Variants in PBX2 observed in about 807,000 individuals in gnomAD.
PBX2 encodes PBX homeobox 2, also known as pre-B-cell leukemia transcription factor 2.
Under a neutral mutation model 46.5 loss-of-function variants are expected in PBX2, and 10 were observed. The observed-to-expected ratio is 0.21, with a 90% confidence interval of 0.13 to 0.36. The LOEUF is 0.36. PBX2 is among the 10% of genes least tolerant of loss of function. PBX2 has a pLI of 1.00. For missense variants in PBX2, 392 were observed against 580.5 expected (o/e 0.68, Z 3.34); for synonymous variants, 160 against 222.5 (o/e 0.72, Z 2.50).
Position 32,186,677 on chromosome 6 carries a change from C to T in PBX2, c.1127G>A (p.Arg376Gln), listed in dbSNP as rs752997915. 2.7e-5 allele frequency: 44 copies of T among 1,612,840 alleles called. No homozygotes were observed. The highest frequency in any genetic ancestry group is 1.9e-4 in the South Asian group (17 of 91,062). The change falls in exon 8 of 9, where the codon CGA (arginine) becomes CAA (glutamine). Residue 376 changes from arginine to glutamine, a missense_variant. By Grantham distance (43) the Arg-to-Gln change is conservative. Around this residue, in one of 3 missense-constraint regions of PBX2, gnomAD observed 116 missense variants for 157.9 expected, o/e 0.73. Transcript: ENST00000375050. This position sits in a 1 kb window ranked among gnomAD's most constrained non-coding sequence, Gnocchi z 4.2. ...SYSASQVESL[R>Q]HSMGPGGYGD... ...ATAGCCCCCTGGCCCCATCGAGTGT[C>T]GGAGTGATTCCACCTGCAGGCAGCA...
At position 32,185,098 on chromosome 6, in the gene PBX2, G is replaced by C. The variant is rs955402607; in HGVS notation, c.*1284C>G. 1 of 152,568 alleles carries C rather than the reference G, an allele frequency of 6.6e-6. No homozygotes were observed. The highest frequency in any genetic ancestry group is 2.4e-5 in the African/African-American group (1 of 41,400). The allele number at this position is 152,568 out of a possible 1,614,324, so 9.5% of individuals were successfully genotyped here. On this transcript the variant is annotated 3_prime_UTR_variant, in exon 9 of 9. Transcript: ENST00000375050. The stretch of plus-strand genomic sequence containing the variant: ...CCTCATTTATGGGGAAATTGAGGAA[G>C]ATACATATACAAGCACCCCAACCCA...
chr6:32,189,682 T>TG lies in PBX2; in HGVS notation c.221+12dup, dbSNP rs1234712247. The TG allele has an allele frequency of 6.3e-7, 1 of 1,594,018 alleles. No homozygotes were observed. The highest frequency in any genetic ancestry group is 2.3e-5 in the East Asian group (1 of 43,498). ...GCTGGGTCTGTGTGGGGTCCCGGAGTGGGGGCACTCACTTGGCCTGGGCCT... is the reference window on the plus strand; with the variant it reads ...GCTGGGTCTGTGTGGGGTCCCGGAGTGGGGGGCACTCACTTGGCCTGGGCCT... On this transcript the variant is annotated intron_variant, in intron 1 of 8. Coordinates refer to ENST00000375050, the MANE Select transcript of PBX2 (RefSeq NM_002586.5). This position sits in a 1 kb window ranked among gnomAD's most constrained non-coding sequence, Gnocchi z 4.7.
chr6:32,188,541 C>T lies in PBX2; in HGVS notation c.296-37G>A. 6.2e-7 allele frequency: 1 copy of T among 1,604,754 alleles called. No individual in the cohort carries two copies. On this transcript the variant is annotated intron_variant, in intron 2 of 8. Coordinates refer to ENST00000375050, the MANE Select transcript of PBX2 (RefSeq NM_002586.5). This position sits in a 1 kb window ranked among gnomAD's most constrained non-coding sequence, Gnocchi z 6.5. ...GCGAGTGGACTTAGGGACCCAGAGACCCCAATACCCAGTGCTCAGTCCTCC... is the reference window on the plus strand; with the variant it reads ...GCGAGTGGACTTAGGGACCCAGAGATCCCAATACCCAGTGCTCAGTCCTCC...
At position 32,189,932 on chromosome 6, in the gene PBX2, T is replaced by A; in HGVS notation, c.-17A>T. ...TTCGTCCATAGCTGGGGGGGGGCCC[T>A]GAGGCCCCCTCCCTGCTCCGCCCCT... On this transcript the variant is annotated 5_prime_UTR_variant, in exon 1 of 9. Transcript: ENST00000375050. This position sits in a 1 kb window ranked among gnomAD's most constrained non-coding sequence, Gnocchi z 4.7. 12 of 1,056,208 alleles carry A rather than the reference T, an allele frequency of 1.1e-5. No homozygotes were observed. Among genetic ancestry groups the A allele is most frequent in the South Asian group, 1.8e-5 (1 of 55,274 alleles). The allele number at this position is 1,056,208 out of a possible 1,614,324, so 65.4% of individuals were successfully genotyped here.
chr6:32,186,541 C>A lies in PBX2; in HGVS notation c.1200+63G>T, dbSNP rs747198791. ...GGAACCCTGTGTGGGCACAACATTACTAGGGAAAATGCCCCTCTGTCCTGT... is the reference window on the plus strand; with the variant it reads ...GGAACCCTGTGTGGGCACAACATTAATAGGGAAAATGCCCCTCTGTCCTGT... On this transcript the variant is annotated intron_variant, in intron 8 of 8. Transcript: ENST00000375050. This position sits in a 1 kb window ranked among gnomAD's most constrained non-coding sequence, Gnocchi z 4.2. The A allele has an allele frequency of 6.4e-6, 10 of 1,570,258 alleles. No individual in the cohort carries two copies. The highest frequency in any genetic ancestry group is 8.8e-6 in the Non-Finnish European group (10 of 1,140,158).
chr6:32,188,383 T>G lies in PBX2; in HGVS notation c.417A>C (p.Ala139=). The G allele has an allele frequency of 5.6e-6, 9 of 1,613,224 alleles. No individual in the cohort carries two copies. Among genetic ancestry groups the G allele is most frequent in the Non-Finnish European group, 7.6e-6 (9 of 1,179,378 alleles). ...CACCAGAGGCTGCAGCGGCTGCAGC[T>G]GCTGCTGCTGAGCCGCCCCCTTTCT... The part of the protein sequence containing the change: ...GPEKGGGSAA[A]AAAAAASGGG... The change falls in exon 3 of 9, where the codon GCA becomes GCC. Residue 139 remains alanine (A), a synonymous_variant. Coordinates refer to ENST00000375050, the MANE Select transcript of PBX2 (RefSeq NM_002586.5). The surrounding 1 kb of genome is among the most constrained non-coding windows in gnomAD (Gnocchi z 6.5).
In PBX2 at chr6:32,187,094, C is replaced by T; in HGVS notation, c.1024+148G>A. The stretch of plus-strand genomic sequence containing the variant: ...GCAGAACTAAGATCACTGGAATGGC[C>T]TCTGTCCCCTGACATCTCCAGCCTA... On this transcript the variant is annotated intron_variant, in intron 6 of 8. Coordinates refer to ENST00000375050, the MANE Select transcript of PBX2 (RefSeq NM_002586.5). This position sits in a 1 kb window ranked among gnomAD's most constrained non-coding sequence, Gnocchi z 7.7. The T allele has an allele frequency of 1.8e-6, 2 of 1,120,040 alleles. No homozygotes were observed. Among genetic ancestry groups the T allele is most frequent in the South Asian group, 1.5e-5 (1 of 67,094 alleles). 69.4% of individuals were successfully genotyped at this position (1,120,040 alleles called of 1,614,324 possible). A position where few individuals can be genotyped will look rare whatever the true frequency, so the allele number is the denominator to read the frequency against.
chr6:32,185,682 T>A lies in PBX2; in HGVS notation c.*700A>T, dbSNP rs1387678441. The A allele has an allele frequency of 7.5e-6, 1 of 133,114 alleles. No individual in the cohort carries two copies. The highest frequency in any genetic ancestry group is 1.6e-5 in the Non-Finnish European group (1 of 64,184). The allele number at this position is 133,114 out of a possible 1,614,324, so 8.2% of individuals were successfully genotyped here. The stretch of plus-strand genomic sequence containing the variant: ...CAAAAAAAACAGATGGATCCCAGGG[T>A]TTCTTTTTCTTTCTTTAAAAAAAAA... On this transcript the variant is annotated 3_prime_UTR_variant, in exon 9 of 9. Coordinates refer to ENST00000375050, the MANE Select transcript of PBX2 (RefSeq NM_002586.5).
chr6:32,189,592 A>G lies in PBX2; in HGVS notation c.221+103T>C, dbSNP rs1415351226. 1.2e-6 allele frequency: 1 copy of G among 809,674 alleles called. No individual in the cohort carries two copies. Among genetic ancestry groups the G allele is most frequent in the Non-Finnish European group, 2.0e-6 (1 of 496,102 alleles). The allele number at this position is 809,674 out of a possible 1,614,324, so 50.2% of individuals were successfully genotyped here. A position where few individuals can be genotyped will look rare whatever the true frequency, so the allele number is the denominator to read the frequency against. On this transcript the variant is annotated intron_variant, in intron 1 of 8. Coordinates refer to ENST00000375050, the MANE Select transcript of PBX2 (RefSeq NM_002586.5). The surrounding 1 kb of genome is among the most constrained non-coding windows in gnomAD (Gnocchi z 4.7). ...AATAAGGAGAGAAGAGAGCTGTTGG[A>G]TCCTGGAGAGGGCCCTGGAGTTGGG...
Position 32,187,050 on chromosome 6 carries a change from GC to G in PBX2, c.1025-150del. The G allele has an allele frequency of 9.8e-7, 1 of 1,025,292 alleles. No homozygotes were observed. The highest frequency in any genetic ancestry group is 1.4e-6 in the Non-Finnish European group (1 of 694,734). The allele number at this position is 1,025,292 out of a possible 1,614,324, so 63.5% of individuals were successfully genotyped here. A position where few individuals can be genotyped will look rare whatever the true frequency, so the allele number is the denominator to read the frequency against. On this transcript the variant is annotated intron_variant, in intron 6 of 8. Coordinates refer to ENST00000375050, the MANE Select transcript of PBX2 (RefSeq NM_002586.5). This position sits in a 1 kb window ranked among gnomAD's most constrained non-coding sequence, Gnocchi z 7.7. ...CACAGAAAGAGCAGGCTGTTCCTTG[GC>G]CACCCGTGGGAAGAAAGGCAGAACT...
In PBX2 at chr6:32,187,651, G is replaced by A. The variant is rs1419101248; in HGVS notation, c.866C>T (p.Ser289Phe). 2 of 1,592,866 alleles carry A rather than the reference G, an allele frequency of 1.3e-6. No individual in the cohort carries two copies. Among genetic ancestry groups the A allele is most frequent in the South Asian group, 1.1e-5 (1 of 88,514 alleles). ...CTCCCGCAACCTCCATAATACCTGAGACACGGTGATGCCACACTTCTTGGC... is the reference window on the plus strand; with the variant it reads ...CTCCCGCAACCTCCATAATACCTGAAACACGGTGATGCCACACTTCTTGGC... ...ELAKKCGITV[S>F]QVSNWFGNKR... Residue 289 changes from serine (S) to phenylalanine (F), a missense_variant, in exon 5 of 9, where the codon TCT becomes TTT. Physicochemically the swap from Ser to Phe is radical, Grantham distance 155. This residue lies in a region of PBX2 where 80 missense variants were observed against 175.7 expected (regional missense o/e 0.46). Coordinates refer to ENST00000375050, the MANE Select transcript of PBX2 (RefSeq NM_002586.5). This position sits in a 1 kb window ranked among gnomAD's most constrained non-coding sequence, Gnocchi z 7.7.
At position 32,187,151 on chromosome 6, in the gene PBX2, C is replaced by G; in HGVS notation, c.1024+91G>C. ...CTCGGTCCCTCTCACCCCAAAAGGC[C>G]CCCTCTCTGCTATGATCCTGCCTAG... On this transcript the variant is annotated intron_variant, in intron 6 of 8. Transcript: ENST00000375050. This position sits in a 1 kb window ranked among gnomAD's most constrained non-coding sequence, Gnocchi z 7.7. 1 of 1,514,408 alleles carries G rather than the reference C, an allele frequency of 6.6e-7. No homozygotes were observed. The highest frequency in any genetic ancestry group is 9.1e-7 in the Non-Finnish European group (1 of 1,104,280). The allele number at this position is 1,514,408 out of a possible 1,614,324, so 93.8% of individuals were successfully genotyped here. A position where few individuals can be genotyped will look rare whatever the true frequency, so the allele number is the denominator to read the frequency against.
At position 32,188,063 on chromosome 6, in the gene PBX2, T is replaced by A; in HGVS notation, c.637A>T (p.Ser213Cys). Residue 213 changes from serine (S) to cysteine (C), a missense_variant, in exon 4 of 9, where the codon AGC (serine) becomes TGC (cysteine). By Grantham distance (112) the Ser-to-Cys change is moderately radical. Coordinates refer to ENST00000375050, the MANE Select transcript of PBX2 (RefSeq NM_002586.5). This position sits in a 1 kb window ranked among gnomAD's most constrained non-coding sequence, Gnocchi z 6.5. ...VAPKEMERMV[S>C]IIHRKFSAIQ... The stretch of plus-strand genomic sequence containing the variant: ...GCGCTGAACTTTCGATGGATGATGC[T>A]CACCATGCGTTCCATCTCTTTGGGG... The A allele has an allele frequency of 6.3e-7, 1 of 1,597,300 alleles. No homozygotes were observed. The highest frequency in any genetic ancestry group is 8.5e-7 in the Non-Finnish European group (1 of 1,170,872).
At position 32,186,998 on chromosome 6, in the gene PBX2, A is replaced by C. The variant is rs767099709; in HGVS notation, c.1025-97T>G. The C allele has an allele frequency of 2.7e-4, 318 of 1,159,936 alleles. 1 individual carries two copies. The highest frequency in any genetic ancestry group is 2.3e-3 in the Middle Eastern group (8 of 3,528). The allele number at this position is 1,159,936 out of a possible 1,614,324, so 71.9% of individuals were successfully genotyped here. On this transcript the variant is annotated intron_variant, in intron 6 of 8. Transcript: ENST00000375050. This position sits in a 1 kb window ranked among gnomAD's most constrained non-coding sequence, Gnocchi z 4.2. The stretch of plus-strand genomic sequence containing the variant: ...TTGTGGGGACATGCTACTATACTCC[A>C]ATTATCCACAAAATAACATTCCAAC...
In PBX2 at chr6:32,187,944, A is replaced by C; in HGVS notation, c.734+22T>G. On this transcript the variant is annotated intron_variant, in intron 4 of 8. Transcript: ENST00000375050. This position sits in a 1 kb window ranked among gnomAD's most constrained non-coding sequence, Gnocchi z 7.7. Reference sequence around the variant, plus strand: ...GGGAAGGAGCCCAGTGCTGGGGGCCAGCCTGGGGTCCCTGGGCCCACCTGG... The same window carrying C: ...GGGAAGGAGCCCAGTGCTGGGGGCCCGCCTGGGGTCCCTGGGCCCACCTGG... 6.5e-7 allele frequency: 1 copy of C among 1,528,122 alleles called. No individual in the cohort carries two copies. 94.7% of individuals were successfully genotyped at this position (1,528,122 alleles called of 1,614,324 possible). A position where few individuals can be genotyped will look rare whatever the true frequency, so the allele number is the denominator to read the frequency against.
chr6:32,188,406 T>C lies in PBX2; in HGVS notation c.394A>G (p.Lys132Glu). 1 of 1,614,020 alleles carries C rather than the reference T, an allele frequency of 6.2e-7. No individual in the cohort carries two copies. The highest frequency in any genetic ancestry group is 8.5e-7 in the Non-Finnish European group (1 of 1,180,008). Residue 132 changes from lysine (K) to glutamate (E), a missense_variant, in exon 3 of 9, where the codon AAA becomes GAA. This residue lies in a region of PBX2 where 196 missense variants were observed against 246.9 expected (regional missense o/e 0.79). Transcript: ENST00000375050. The surrounding 1 kb of genome is among the most constrained non-coding windows in gnomAD (Gnocchi z 6.5). ...GCTGCTGCTGCTGAGCCGCCCCCTTTCTCGGGCCCAGCCACACCCTCTGCC... is the reference window on the plus strand; with the variant it reads ...GCTGCTGCTGCTGAGCCGCCCCCTTCCTCGGGCCCAGCCACACCCTCTGCC... ...LLAEGVAGPE[K>E]GGGSAAAAAA...
Position 32,186,907 on chromosome 6 carries a change from G to T in PBX2, c.1025-6C>A, listed in dbSNP as rs199945790. 1.9e-6 allele frequency: 3 copies of T among 1,612,764 alleles called. No homozygotes were observed. Among genetic ancestry groups the T allele is most frequent in the Non-Finnish European group, 1.7e-6 (2 of 1,179,590 alleles). ...ATTGAAAGAGCCGCCAGAGCCTTGTGGGGGCAGAGAGGGAAGAGTGTAATA... is the reference window on the plus strand; with the variant it reads ...ATTGAAAGAGCCGCCAGAGCCTTGTTGGGGCAGAGAGGGAAGAGTGTAATA... On this transcript the variant is annotated splice_region_variant and splice_polypyrimidine_tract_variant and intron_variant, in intron 6 of 8. Coordinates refer to ENST00000375050, the MANE Select transcript of PBX2 (RefSeq NM_002586.5). The surrounding 1 kb of genome is among the most constrained non-coding windows in gnomAD (Gnocchi z 4.2).
Position 32,188,602 on chromosome 6 carries a change from G to C in PBX2, c.296-98C>G, listed in dbSNP as rs1309142887. ...TGGAGAGCCAAGTTCCCAGGCTTTG[G>C]TTCCTTCCCCAGTCCCCCTGACTCC... On this transcript the variant is annotated intron_variant, in intron 2 of 8. Transcript: ENST00000375050. The surrounding 1 kb of genome is among the most constrained non-coding windows in gnomAD (Gnocchi z 6.5). The C allele has an allele frequency of 2.5e-6, 4 of 1,577,032 alleles. No individual in the cohort carries two copies. Among genetic ancestry groups the C allele is most frequent in the Non-Finnish European group, 3.5e-6 (4 of 1,156,566 alleles).
Position 32,186,975 on chromosome 6 carries a change from G to T in PBX2, c.1025-74C>A. 2 of 1,301,592 alleles carry T rather than the reference G, an allele frequency of 1.5e-6. No homozygotes were observed. Among genetic ancestry groups the T allele is most frequent in the Non-Finnish European group, 2.2e-6 (2 of 901,254 alleles). 80.6% of individuals were successfully genotyped at this position (1,301,592 alleles called of 1,614,324 possible). On this transcript the variant is annotated intron_variant, in intron 6 of 8. Transcript: ENST00000375050. The surrounding 1 kb of genome is among the most constrained non-coding windows in gnomAD (Gnocchi z 4.2). ...GGATGAACCACAACTCTCAACTCTTGTGGGGACATGCTACTATACTCCAAT... is the reference window on the plus strand; with the variant it reads ...GGATGAACCACAACTCTCAACTCTTTTGGGGACATGCTACTATACTCCAAT...
Sources: allele counts gnomAD v4.1 joint callset, GRCh38; gene constraint gnomAD v4.1.1; regional missense constraint gnomAD v4.1.1; non-coding constraint Gnocchi (gnomAD v3.1); transcripts MANE v1.5; gene names NCBI Gene and HGNC (gene_info 2026-07-23, HGNC 2026-07-21).